The following CFH variants were observed in gnomAD, a reference collection of about 807,000 sequenced individuals.
CFH encodes the protein H factor 1 (complement).
Under a neutral mutation model 147.3 loss-of-function variants are expected in CFH, and 53 were observed. The observed-to-expected ratio is 0.36, with a 90% CI of 0.29 to 0.45. The LOEUF (loss-of-function observed/expected upper bound fraction) is 0.45. Ranked by LOEUF, CFH falls within the 20% of genes least tolerant of loss-of-function variation. The pLI is 1.00. For missense variants in CFH, 1,380 were observed against 1,498.0 expected (o/e 0.92, Z 1.30); for synonymous variants, 536 against 489.4 (o/e 1.10, Z -1.26).
chr1:196,728,591 C>A, intron 15 of CFH, 69 bp downstream of exon 15: 1 of 1,450,546 alleles, frequency 6.9e-7, no homozygotes, highest in Non-Finnish European at 9.6e-7. Context: ...GTATGTGTGT[C>A]TTTTAAAAAC....
chr1:196,663,188 A>T (rs1013025009), intron 1 of CFH, among the ~76,000 whole-genome samples: 2 of 151,978 alleles, frequency 1.3e-5, no homozygotes, highest in East Asian at 1.9e-4. Flanking sequence ...TGTTCCATTC[A>T]TTTTTTAAAA....
intron 1 of CFH, among the ~76,000 whole-genome samples, chr1:196,656,801 A>G (rs1367193938): frequency 6.6e-6 from 1 of 151,966 alleles, no homozygotes; most frequent in African/African-American, 2.4e-5. Flanking sequence ...ATTCAAATAC[A>G]CATTTCAAGA....
At chr1:196,696,102 T>TGGAC (rs1668256524) in intron 9 of CFH, among the ~76,000 whole-genome samples, 2 of 152,024 alleles carry the variant, frequency 1.3e-5, no homozygotes, top group African/African-American at 2.4e-5. Context: ...TGAACTCAAC[T>TGGAC]CTGGACCAAC....
Position 196,704,579 on chromosome 1 carries a change from A to G in CFH, c.1337-9156A>G, listed in dbSNP as rs527358477. 9.8e-5 allele frequency among the ~76,000 whole-genome samples: 15 copies of G among 152,336 alleles called. No homozygotes were observed. In the South Asian group the frequency reaches 2.5e-3, roughly 25 times the overall value. ...TACTCCAAAAGGTTAGTCCGGAAAC[A>G]TGGGCAGATGGGAGGCCAGGGAAAA... On this transcript the variant is annotated intron_variant, in intron 9 of 21. Transcript: ENST00000367429.
chr1:196,652,286 G>A, intron 1 of CFH, 111 bp downstream of exon 1: 1 of 807,526 alleles, frequency 1.2e-6, no homozygotes, highest in East Asian at 2.7e-5. Flanking sequence ...TAAGTATTCT[G>A]TAACTTGACA....
chr1:196,725,818 G>T (rs1669123644), intron 12 of CFH, among the ~76,000 whole-genome samples: 1 of 152,120 alleles, frequency 6.6e-6, no homozygotes, highest in South Asian at 2.1e-4. Flanking sequence ...CTGAGAGGGG[G>T]CATTCATCTG....
chr1:196,695,745 C>A (rs368351716), intron 9 of CFH, among the ~76,000 whole-genome samples: 3 of 151,856 alleles, frequency 2.0e-5, no homozygotes, highest in Non-Finnish European at 4.4e-5. Context: ...TGTATTTCTA[C>A]GTATTTTATT....
chr1:196,713,632 A>G, intron 9 of CFH, 103 bp from the exon 10 acceptor site: 1 of 779,006 alleles, frequency 1.3e-6, no homozygotes, highest in Non-Finnish European at 2.1e-6. Context: ...CCAGGTTTTC[A>G]GTTACAAATG....
In CFH at chr1:196,686,335, T is replaced by C. The variant is rs367628726; in HGVS notation, c.964+1098T>C. On this transcript the variant is annotated intron_variant, in intron 7 of 21. Transcript: ENST00000367429. ...GGGGAGAGAAATTAGGCACCACTAT[T>C]TGGAGGGAGGAGTGTTGAAGGACTC... Among the ~76,000 whole-genome samples, 18 of 152,178 alleles carry C rather than the reference T, an allele frequency of 1.2e-4. No homozygotes were observed. In the East Asian group the frequency reaches 3.1e-3, roughly 26 times the overall value.
intron 1 of CFH, among the ~76,000 whole-genome samples, chr1:196,661,711 A>G (rs1255436360): frequency 6.6e-6 from 1 of 152,202 alleles, no homozygotes; most frequent in Non-Finnish European, 1.5e-5. Context: ...GGGAGGTTGC[A>G]TGTATTCAGA....
intron 9 of CFH, among the ~76,000 whole-genome samples, chr1:196,692,876 C>CACCTACCTACTT (rs1425200451): frequency 3.8e-5 from 1 of 26,390 alleles, no homozygotes; most frequent in Admixed American, 3.9e-4. Context: ...CTCCCTCTGT[C>CACCTACCTACTT]ACCTCCCTCC....
chr1:196,701,341 C>G, intron 9 of CFH: 3 of 1,613,656 alleles, frequency 1.9e-6, no homozygotes, highest in South Asian at 2.2e-5. Context: ...AACTTCTGAT[C>G]GAAGGTCATC....
rs1474792 is a variant in CFH, at chr1:196,724,577, C to T, written c.1697-544C>T. On this transcript the variant is annotated intron_variant, in intron 11 of 21. Transcript: ENST00000367429. ...AGGGTCCTAGTCAACCTTTGTCAGG[C>T]TCTTGCTTCTGTCTTTTTCCATGCT... Among the ~76,000 whole-genome samples the T allele has an allele frequency of 6.0e-3, 909 of 152,212 alleles. 17 individuals are homozygous for T. The highest frequency in any genetic ancestry group is 0.043 in the Admixed American group (654 of 15,276).
At chr1:196,705,713 C>T (rs1668569755) in intron 9 of CFH, among the ~76,000 whole-genome samples, 1 of 152,148 alleles carries the variant, frequency 6.6e-6, no homozygotes, top group Non-Finnish European at 1.5e-5. Context: ...CTCTGAGCCA[C>T]TGGCACCACT....
At chr1:196,692,804 TTC>T (rs1308685319) in intron 9 of CFH, among the ~76,000 whole-genome samples, 76 of 82,804 alleles carry the variant, frequency 9.2e-4, no homozygotes, top group Non-Finnish European at 1.1e-3. Context: ...CTTTCTTTCT[TTC>T]TTTCTTTCTT....
rs562576764 is a variant in CFH, at chr1:196,668,922, G to A, written c.59-4056G>A. On this transcript the variant is annotated intron_variant, in intron 1 of 21. Transcript: ENST00000367429. ...GGAAGTGACTTTGGAACTGGGTAAT[G>A]GGCAGAGGTTGGAACAGTTTGGAGG... 4.3e-4 allele frequency among the ~76,000 whole-genome samples: 66 copies of A among 152,286 alleles called. 1 individual carries two copies. Among genetic ancestry groups the A allele is most frequent in the Admixed American group, 7.8e-4 (12 of 15,288 alleles).
Position 196,747,501 on chromosome 1 carries a change from CT to C in CFH, c.*189del. The C allele has an allele frequency of 1.2e-6, 1 of 827,032 alleles. No individual in the cohort carries two copies. Among genetic ancestry groups the C allele is most frequent in the Non-Finnish European group, 1.9e-6 (1 of 522,322 alleles). 51.2% of individuals were successfully genotyped at this position (827,032 alleles called of 1,614,324 possible). On this transcript the variant is annotated 3_prime_UTR_variant, in exon 22 of 22. Coordinates refer to ENST00000367429, the MANE Select transcript of CFH (RefSeq NM_000186.4). The stretch of plus-strand genomic sequence containing the variant: ...AAGCACCATATTAAATCCTGGAAAA[CT>C]AACGGTTGTGTCCAGTTCATAAAAT...
At position 196,686,984 on chromosome 1, in the gene CFH, A is replaced by G. The variant is rs1005526561; in HGVS notation, c.964+1747A>G. Among the ~76,000 whole-genome samples, 3 of 152,080 alleles carry G rather than the reference A, an allele frequency of 2.0e-5. No individual in the cohort carries two copies. The East Asian group carries it at 5.8e-4, about 29-fold the overall frequency. On this transcript the variant is annotated intron_variant, in intron 7 of 21. Coordinates refer to ENST00000367429, the MANE Select transcript of CFH (RefSeq NM_000186.4). The stretch of plus-strand genomic sequence containing the variant: ...TAATGATTTAGGGGAAGTGCAGTAC[A>G]AATTCACAATTGGAATGATACAGAG...
chr1:196,725,359 T>A, intron 12 of CFH, 62 bp downstream of exon 12: 1 of 1,543,666 alleles, frequency 6.5e-7, no homozygotes, highest in Non-Finnish European at 8.9e-7. Context: ...AACTTTTTTC[T>A]TATTAATTTT....
Sources: gnomAD v4.1 joint callset for allele counts (sites outside exome capture counted in the v4.1 genomes callset) on GRCh38, gnomAD v4.1.1 for gene constraint, MANE v1.5 for transcripts, NCBI Gene and HGNC (gene_info 2026-07-23, HGNC 2026-07-21) for gene names.